Variants in TRIM3 observed in about 807,000 individuals in gnomAD.
The protein encoded by TRIM3 is tripartite motif containing 3.
A neutral mutation model predicts 66.6 loss-of-function variants in TRIM3; 13 were observed. The ratio of observed to expected loss-of-function variants is 0.20; its 90% CI spans 0.13 to 0.31. The LOEUF (loss-of-function observed/expected upper bound fraction) is 0.31, where lower values mean the gene tolerates loss of function less well. TRIM3 is among the 10% of genes least tolerant of loss of function. The pLI is 1.00. For missense variants in TRIM3, 711 were observed against 1,020.4 expected, an observed-to-expected ratio of 0.70 and a Z score of 4.13; for synonymous variants, 406 against 411.7, an observed-to-expected ratio of 0.99 and a Z score of 0.17.
Position 6,457,381 on chromosome 11 carries a change from G to A in TRIM3, c.611C>T (p.Ala204Val), listed in dbSNP as rs770963103. 5 of 1,613,848 alleles carry A rather than the reference G, an allele frequency of 3.1e-6. No individual in the cohort carries two copies. Among genetic ancestry groups the A allele is most frequent in the South Asian group, 2.2e-5 (2 of 91,074 alleles). The change falls in exon 5 of 12, where the codon GCG (alanine) becomes GTG (valine). Residue 204 changes from alanine to valine, a missense_variant. Coordinates refer to ENST00000345851, the MANE Select transcript of TRIM3 (RefSeq NM_033278.4). The surrounding 1 kb of genome is among the most constrained non-coding windows in gnomAD (Gnocchi z 4.5). ...CAGTGCTTGCTCCAGGTCCTCGAAC[G>A]CTGCACTGATCTGGGCCAGGGCCTC... ...KAEALAQISA[A>V]FEDLEQALQQ...
intron 2 of TRIM3, among the ~76,000 whole-genome samples, chr11:6,462,337 C>T (rs775360507): frequency 6.6e-6 from 1 of 152,214 alleles, no homozygotes; most frequent in African/African-American, 2.4e-5. Context: ...AGTGAAGGCT[C>T]TGCAGTGAAA....
chr11:6,454,242 T>A (rs1373743984), intron 7 of TRIM3, among the ~76,000 whole-genome samples: 2 of 151,950 alleles, frequency 1.3e-5, no homozygotes, highest in Non-Finnish European at 2.9e-5. Context: ...ATAAAATAAA[T>A]TAGCCAGGTA....
At chr11:6,455,008 C>T (rs1849904081) in intron 7 of TRIM3, among the ~76,000 whole-genome samples, 1 of 152,168 alleles carries the variant, frequency 6.6e-6, no homozygotes, top group African/African-American at 2.4e-5. Flanking sequence ...CACACTCCAT[C>T]TCCAAAACCA....
chr11:6,457,449 G>A lies in TRIM3; in HGVS notation c.543C>T (p.Ala181=), dbSNP rs1850045620. 6.2e-7 allele frequency: 1 copy of A among 1,613,078 alleles called. No individual in the cohort carries two copies. The highest frequency in any genetic ancestry group is 8.5e-7 in the Non-Finnish European group (1 of 1,180,032). ...GRLPQLSAAI[A]LVGGISQQLQ... ...GCTGCTGGCTGATGCCCCCGACTAA[G>A]GCAATTGCTGCGGACAGCTGTGGCA... The change falls in exon 5 of 12, where the codon GCC becomes GCT. Residue 181 remains alanine (A), a synonymous_variant. Coordinates refer to ENST00000345851, the MANE Select transcript of TRIM3 (RefSeq NM_033278.4). The surrounding 1 kb of genome is among the most constrained non-coding windows in gnomAD (Gnocchi z 4.5).
At position 6,453,826 on chromosome 11, in the gene TRIM3, T is replaced by C. The variant is rs144893330; in HGVS notation, c.1533+2246A>G. Among the ~76,000 whole-genome samples, 613 of 152,336 alleles carry C rather than the reference T, an allele frequency of 4.0e-3. 3 individuals carry two copies. The highest frequency in any genetic ancestry group is 0.014 in the African/African-American group (590 of 41,574). On this transcript the variant is annotated intron_variant, in intron 7 of 11. Transcript: ENST00000345851. ...AAGTGTCCAAAAGAGAAAACGGTCATGTCGTGAGGACCCCAATCCCCATGT... is the reference window on the plus strand; with the variant it reads ...AAGTGTCCAAAAGAGAAAACGGTCACGTCGTGAGGACCCCAATCCCCATGT...
intron 8 of TRIM3, 95 bp from the exon 9 acceptor site, chr11:6,451,155 A>T: frequency 6.3e-7 from 1 of 1,588,550 alleles, no homozygotes; most frequent in Non-Finnish European, 8.6e-7. Context: ...CTGGGGAAAG[A>T]ACAGGGAGTA....
rs768723254 is a variant in TRIM3 at position 6,457,073 on chromosome 11, G to A, written c.697-44C>T. ...GGAGTGGGTGAGCAGACTGGCACAG[G>A]GGGAGTCTCTGTGATTACTGAAGTT... is the stretch of plus-strand genomic sequence containing the variant. On this transcript the variant is annotated intron_variant, in intron 5 of 11. Transcript: ENST00000345851. This position sits in a 1 kb window ranked among gnomAD's most constrained non-coding sequence, Gnocchi z 4.5. The A allele has an allele frequency of 7.1e-6, 11 of 1,557,472 alleles. No homozygotes were observed. In the South Asian group the frequency reaches 1.1e-4, roughly 15 times the overall value.
Position 6,449,360 on chromosome 11 carries a change from A to G in TRIM3, c.2028T>C (p.Ala676=), listed in dbSNP as rs1308039032. The G allele has an allele frequency of 6.2e-7, 1 of 1,614,132 alleles. No homozygotes were observed. Among genetic ancestry groups the G allele is most frequent in the Non-Finnish European group, 8.5e-7 (1 of 1,179,986 alleles). Residue 676 remains alanine, a synonymous_variant, in exon 11 of 12, where the codon GCT becomes GCC. Coordinates refer to ENST00000345851, the MANE Select transcript of TRIM3 (RefSeq NM_033278.4). The surrounding 1 kb of genome is among the most constrained non-coding windows in gnomAD (Gnocchi z 5.3). ...NGQFNAPTGV[A]VDSNGNIIVA... The stretch of plus-strand genomic sequence containing the variant: ...CAATGATGTTTCCATTGGAGTCCAC[A>G]GCTACTCCTGTGGGGGCATTGAACT...
rs1849698238 is a variant in TRIM3 at position 6,451,078 on chromosome 11, C to G, written c.1702-18G>C. The G allele has an allele frequency of 1.9e-6, 3 of 1,613,034 alleles. No homozygotes were observed. Among genetic ancestry groups the G allele is most frequent in the Non-Finnish European group, 2.5e-6 (3 of 1,179,088 alleles). On this transcript the variant is annotated intron_variant, in intron 8 of 11. Coordinates refer to ENST00000345851, the MANE Select transcript of TRIM3 (RefSeq NM_033278.4). Reference sequence around the variant, plus strand: ...ATCTTGGTCTGGAGGAAGAGAATATCCATAAGAGGCTTTATTCTGACAGTG... The same window carrying G: ...ATCTTGGTCTGGAGGAAGAGAATATGCATAAGAGGCTTTATTCTGACAGTG...
At chr11:6,452,197 C>T (rs1849752356) in intron 7 of TRIM3, 1 of 152,238 alleles carries the variant, frequency 6.6e-6, no homozygotes, top group Non-Finnish European at 1.5e-5. Context: ...GACAAGGAAA[C>T]CTTCCTCCTA....
chr11:6,456,866 G>A lies in TRIM3; in HGVS notation c.860C>T (p.Pro287Leu), dbSNP rs1227346304. Reference protein sequence around the residue: ...RLAALAAQAFPERPHENAQLE... With the variant: ...RLAALAAQAFLERPHENAQLE... ...CTGTGCATTCTCATGTGGCCGCTCCGGGAAGGCCTGTGCCGCCAATGCAGC... is the reference window on the plus strand; with the variant it reads ...CTGTGCATTCTCATGTGGCCGCTCCAGGAAGGCCTGTGCCGCCAATGCAGC... The change falls in exon 6 of 12, where the codon CCG (proline) becomes CTG (leucine). Residue 287 changes from proline to leucine, a missense_variant. Physicochemically the swap from Pro to Leu is moderately conservative, Grantham distance 98. Transcript: ENST00000345851. The surrounding 1 kb of genome is among the most constrained non-coding windows in gnomAD (Gnocchi z 6.4). 1 of 1,612,594 alleles carries A rather than the reference G, an allele frequency of 6.2e-7. No homozygotes were observed. The highest frequency in any genetic ancestry group is 8.5e-7 in the Non-Finnish European group (1 of 1,179,952).
intron 1 of TRIM3, among the ~76,000 whole-genome samples, chr11:6,467,982 T>A (rs979363351): frequency 6.6e-6 from 1 of 152,294 alleles, no homozygotes; most frequent in East Asian, 1.9e-4. Flanking sequence ...AAAGCTGGAC[T>A]GATTTGAGAA....
At chr11:6,468,983 T>C (rs1031732619) in intron 1 of TRIM3, among the ~76,000 whole-genome samples, 89 of 152,342 alleles carry the variant, frequency 5.8e-4, no homozygotes, top group African/African-American at 1.9e-3. Context: ...GTGAAGGGCA[T>C]GCCTGAAAGT....
rs528295682 is a variant in TRIM3 at position 6,469,024 on chromosome 11, G to A, written c.-37-3292C>T. Reference sequence around the variant, plus strand: ...CTGCTGATGTAGACACTGGCATCCTGATGTTCTCTCTACAGTTGTAATGGG... The same window carrying A: ...CTGCTGATGTAGACACTGGCATCCTAATGTTCTCTCTACAGTTGTAATGGG... On this transcript the variant is annotated intron_variant, in intron 1 of 11. Coordinates refer to ENST00000345851, the MANE Select transcript of TRIM3 (RefSeq NM_033278.4). 7.2e-5 allele frequency among the ~76,000 whole-genome samples: 11 copies of A among 152,340 alleles called. No individual in the cohort carries two copies. In the South Asian group the frequency reaches 1.9e-3, roughly 26 times the overall value.
chr11:6,456,391 C>T lies in TRIM3; in HGVS notation c.1335G>A (p.Val445=). ...TGGGCCTACGCACTGCCTTCTGGCG[C>T]ACATGGCTGCCGGGGCCGCCAGGGG... ...VKSPGGPGSH[V]RQKAVRRPSS... is the part of the protein sequence containing the mutation. The change falls in exon 6 of 12, where the codon GTG becomes GTA. Residue 445 remains valine (V), a synonymous_variant. Transcript: ENST00000345851. This position sits in a 1 kb window ranked among gnomAD's most constrained non-coding sequence, Gnocchi z 6.4. The T allele has an allele frequency of 1.3e-6, 2 of 1,530,248 alleles. No individual in the cohort carries two copies. The highest frequency in any genetic ancestry group is 1.8e-6 in the Non-Finnish European group (2 of 1,136,202). 94.8% of individuals were successfully genotyped at this position (1,530,248 alleles called of 1,614,324 possible). A position where few individuals can be genotyped will look rare whatever the true frequency, so the allele number is the denominator to read the frequency against.
In TRIM3 at chr11:6,449,292, C is replaced by A. The variant is rs532654098; in HGVS notation, c.2082+14G>T. The stretch of plus-strand genomic sequence containing the variant: ...GGAAACCGCCCCCTCATGTCATTCC[C>A]AGGCCTTACTCACCTGGATGCGGCT... On this transcript the variant is annotated intron_variant, in intron 11 of 11. Transcript: ENST00000345851. The surrounding 1 kb of genome is among the most constrained non-coding windows in gnomAD (Gnocchi z 5.3). 14 of 1,613,020 alleles carry A rather than the reference C, an allele frequency of 8.7e-6. No individual in the cohort carries two copies. The East Asian group carries it at 1.8e-4, about 21-fold the overall frequency.
chr11:6,448,979 A>T lies in TRIM3; in HGVS notation c.*49T>A, dbSNP rs745870273. The stretch of plus-strand genomic sequence containing the variant: ...CCTCCCAGCCAGACCCTCTTGTCCA[A>T]TCACCCCAATGTCTGTCCCTCCACA... On this transcript the variant is annotated 3_prime_UTR_variant, in exon 12 of 12. Transcript: ENST00000345851. The T allele has an allele frequency of 1.2e-6, 2 of 1,603,512 alleles. No homozygotes were observed. Among genetic ancestry groups the T allele is most frequent in the East Asian group, 4.5e-5 (2 of 44,534 alleles).
chr11:6,455,890 T>C (rs1169625290), intron 7 of TRIM3, among the ~76,000 whole-genome samples, 182 bp downstream of exon 7: 1 of 152,196 alleles, frequency 6.6e-6, no homozygotes, highest in Admixed American at 6.5e-5. Context: ...AGTTGTGGCC[T>C]ATGGGAATGG....
rs778651050 is a variant in TRIM3 at position 6,456,310 on chromosome 11, G to A, written c.1416C>T (p.Leu472=). ...KRKDNPIEDE[L]VFRVGSRGRE... is the part of the protein sequence containing the mutation. ...GGCTGTCTGTACCAACACGGAAGAC[G>A]AGCTCATCCTCAATTGGGTTGTCCT... Residue 472 remains leucine, a synonymous_variant, in exon 6 of 12, where the codon CTC becomes CTT. Transcript: ENST00000345851. The surrounding 1 kb of genome is among the most constrained non-coding windows in gnomAD (Gnocchi z 6.4). 17 of 1,552,136 alleles carry A rather than the reference G, an allele frequency of 1.1e-5. No individual in the cohort carries two copies. The East Asian group carries it at 2.3e-4, about 21-fold the overall frequency.
Sources: gnomAD v4.1 joint callset for allele counts (sites outside exome capture counted in the v4.1 genomes callset) on GRCh38, gnomAD v4.1.1 for gene constraint, Gnocchi (gnomAD v3.1) non-coding constraint, MANE v1.5 for transcripts, NCBI Gene and HGNC (gene_info 2026-07-23, HGNC 2026-07-21) for gene names.